The following MICAL2 variants were observed in gnomAD, a reference collection of about 807,000 sequenced individuals.
MICAL2 encodes [F-actin]-monooxygenase MICAL2.
In MICAL2, 77 loss-of-function variants were observed where a neutral mutation model predicts 127.3. That is an observed-to-expected ratio of 0.60 (90% CI 0.50 to 0.73). MICAL2 has a LOEUF of 0.73. MICAL2 is among the 30% of genes least tolerant of loss of function. The pLI, the probability that MICAL2 is intolerant of heterozygous loss-of-function variation, is 0.00. For synonymous variants in MICAL2, 570 were observed against 551.1 expected (o/e 1.03, Z -0.48); for missense variants, 1,351 against 1,434.4 (o/e 0.94, Z 0.94).
intron 3 of MICAL2, among the ~76,000 whole-genome samples, chr11:12,179,690 A>G (rs937287954): frequency 2.0e-5 from 3 of 151,948 alleles, no homozygotes; most frequent in African/African-American, 7.3e-5. Context: ...GCCCCACCCA[A>G]AGAGACTCTA....
At position 12,149,278 on chromosome 11, in the gene MICAL2, C is replaced by A. The variant is rs183840333; in HGVS notation, c.-78+10818C>A. ...GTGATGAGAGTAGAGGCTGGAGGGG[C>A]GAGCTAGGGCTGGATCACGAAGGTA... On this transcript the variant is annotated intron_variant, in intron 2 of 27. Coordinates refer to ENST00000683283, the MANE Select transcript of MICAL2 (RefSeq NM_001282663.2). Among the ~76,000 whole-genome samples the A allele has an allele frequency of 3.9e-5, 6 of 151,984 alleles. 1 individual carries two copies. Among genetic ancestry groups the A allele is most frequent in the South Asian group, 4.2e-4 (2 of 4,812 alleles).
downstream of MICAL2, among the ~76,000 whole-genome samples, chr11:12,266,496 C>G (rs79653579): frequency 0.027 from 4,188 of 152,300 alleles, 86 homozygotes; most frequent in Non-Finnish European, 0.04. Flanking sequence ...TTACTGCCCC[C>G]CAGCCAGCTG....
At chr11:12,269,583 G>A (rs899066022) in intron 24 of MICAL2, among the ~76,000 whole-genome samples, 4 of 152,196 alleles carry the variant, frequency 2.6e-5, no homozygotes, top group Non-Finnish European at 4.4e-5. Flanking sequence ...ATCGCCAGCC[G>A]TCTGTGGCAG....
At chr11:12,282,675 A>G (rs1863785189) in intron 2 of MICAL2, among the ~76,000 whole-genome samples, 1 of 152,214 alleles carries the variant, frequency 6.6e-6, no homozygotes, top group Non-Finnish European at 1.5e-5. Context: ...CGTTACTCTC[A>G]TTGTTTATGA....
At chr11:12,287,495 T>G (rs1863840287), downstream of MICAL2, among the ~76,000 whole-genome samples, 3 of 151,940 alleles carry the variant, frequency 2.0e-5, no homozygotes, top group South Asian at 6.2e-4. Flanking sequence ...TAAACTGAGG[T>G]TCAGGAACTC....
intron 2 of MICAL2, among the ~76,000 whole-genome samples, chr11:12,147,326 C>A (rs2133686159): frequency 6.6e-6 from 1 of 152,320 alleles, no homozygotes; most frequent in Admixed American, 6.5e-5. Context: ...GGTAAGCATT[C>A]ATTCATTCAA....
At chr11:12,246,530 G>A (rs1860766692) in intron 21 of MICAL2, among the ~76,000 whole-genome samples, 2 of 152,242 alleles carry the variant, frequency 1.3e-5, no homozygotes, top group African/African-American at 2.4e-5. Flanking sequence ...ACTGAGCATT[G>A]CAAAAGGAGC....
rs114524608 is a variant in MICAL2, at chr11:12,210,809, A to C, written c.691+1211A>C. 8.4e-3 allele frequency among the ~76,000 whole-genome samples: 1,272 copies of C among 152,320 alleles called. 22 individuals are homozygous for C. Among genetic ancestry groups the C allele is most frequent in the African/African-American group, 0.028 (1,150 of 41,568 alleles). ...GTAAACTAGAGCAGGGCTTCTTAGT[A>C]TAAACACTGCAGACGTTTGGGGCCA... is the stretch of plus-strand genomic sequence containing the variant. On this transcript the variant is annotated intron_variant, in intron 6 of 27. Transcript: ENST00000683283.
intron 3 of MICAL2, among the ~76,000 whole-genome samples, chr11:12,169,321 T>C (rs1427270155): frequency 1.3e-5 from 2 of 152,030 alleles, no homozygotes; most frequent in African/African-American, 2.4e-5. Flanking sequence ...TCTAACTCTT[T>C]TATTCATGTC....
At position 12,226,245 on chromosome 11, in the gene MICAL2, T is replaced by G; in HGVS notation, c.1763T>G (p.Phe588Cys). Residue 588 changes from phenylalanine to cysteine, a missense_variant, in exon 14 of 28, where the codon TTT becomes TGT. Physicochemically the swap from Phe to Cys is radical, Grantham distance 205 (BLOSUM62 -2). Around this residue, in one of 2 missense-constraint regions of MICAL2, gnomAD observed 752 missense variants for 719.4 expected, o/e 1.05. Coordinates refer to ENST00000683283, the MANE Select transcript of MICAL2 (RefSeq NM_001282663.2). ...GCATTTGATGTGGCCGAGCGAGAGTTTGGGATCCCTCCAGTGACCACGGGC... is the reference window on the plus strand; with the variant it reads ...GCATTTGATGTGGCCGAGCGAGAGTGTGGGATCCCTCCAGTGACCACGGGC... ...QLAFDVAEREFGIPPVTTGKE... is the reference protein window; with the variant it reads ...QLAFDVAERECGIPPVTTGKE... 5 of 1,614,244 alleles carry G rather than the reference T, an allele frequency of 3.1e-6. No individual in the cohort carries two copies. Among genetic ancestry groups the G allele is most frequent in the Non-Finnish European group, 4.2e-6 (5 of 1,180,048 alleles).
intron 2 of MICAL2, among the ~76,000 whole-genome samples, chr11:12,285,965 C>T (rs976998987): frequency 4.6e-5 from 7 of 152,228 alleles, no homozygotes; most frequent in African/African-American, 7.2e-5. Flanking sequence ...CATCCTTTCT[C>T]TCCAGCAGTG....
chr11:12,190,820 G>A (rs1858996300), intron 3 of MICAL2, among the ~76,000 whole-genome samples: 1 of 152,176 alleles, frequency 6.6e-6, no homozygotes, highest in Admixed American at 6.5e-5. Context: ...TTAAGTAGCA[G>A]GACTTCAACT....
intron 33 of MICAL2, among the ~76,000 whole-genome samples, chr11:12,352,213 T>A (rs573401234): frequency 2.0e-5 from 3 of 152,352 alleles, no homozygotes; most frequent in Admixed American, 2.0e-4. Context: ...CAGGTATGAA[T>A]GATAAATTGT....
intron 27 of MICAL2, 137 bp from the exon 28 acceptor site, chr11:12,263,423 G>C (rs1321031292): frequency 6.6e-6 from 1 of 152,448 alleles, no homozygotes. Context: ...GCTGCGGTGG[G>C]CGTCTGTCCT....
At chr11:12,178,398 T>A (rs1857069593) in intron 3 of MICAL2, among the ~76,000 whole-genome samples, 1 of 151,870 alleles carries the variant, frequency 6.6e-6, no homozygotes, top group Non-Finnish European at 1.5e-5. Flanking sequence ...GGTTATAGCT[T>A]GGTTTTGTAC....
intron 32 of MICAL2, among the ~76,000 whole-genome samples, chr11:12,344,743 C>T (rs1262990873): frequency 2.7e-5 from 4 of 150,190 alleles, no homozygotes; most frequent in South Asian, 4.2e-4. Context: ...CCAGATGATC[C>T]ACTCACCTCG....
At position 12,239,514 on chromosome 11, in the gene MICAL2, G is replaced by A; in HGVS notation, c.2143G>A (p.Val715Ile). 1 of 1,614,208 alleles carries A rather than the reference G, an allele frequency of 6.2e-7. No homozygotes were observed. Among genetic ancestry groups the A allele is most frequent in the Non-Finnish European group, 8.5e-7 (1 of 1,180,042 alleles). Residue 715 changes from valine (V) to isoleucine (I), a missense_variant, in exon 17 of 28, where the codon GTC becomes ATC. Coordinates refer to ENST00000683283, the MANE Select transcript of MICAL2 (RefSeq NM_001282663.2). The part of the protein sequence containing the change: ...SSKEGGNQNK[V>I]KSMANQLLAK... ...TAAGGAAGGTGGAAATCAGAACAAA[G>A]TCAAGTCCATGGCGAATCAGCTGCT... is the stretch of plus-strand genomic sequence containing the variant.
intron 29 of MICAL2, among the ~76,000 whole-genome samples, chr11:12,317,605 A>C (rs1864245390): frequency 6.6e-6 from 1 of 152,210 alleles, no homozygotes; most frequent in South Asian, 2.1e-4. Context: ...CAGCCTGGCC[A>C]ACATGGCGAA....
At chr11:12,223,368 T>C (rs774593398) in intron 11 of MICAL2, 43 bp from the exon 12 acceptor site, 1 of 1,563,438 alleles carries the variant, frequency 6.4e-7, no homozygotes, top group South Asian at 1.1e-5. Context: ...AGACTAGGAT[T>C]TGGGGGAAAA....
Sources: gnomAD v4.1 joint callset for allele counts (sites outside exome capture counted in the v4.1 genomes callset) on GRCh38, gnomAD v4.1.1 for gene constraint, gnomAD v4.1.1 regional missense constraint, MANE v1.5 for transcripts, NCBI Gene and HGNC (gene_info 2026-07-23, HGNC 2026-07-21) for gene names.